SAXO1: variants seen among roughly 807,000 people sequenced by gnomAD.
The protein encoded by SAXO1 is 4930500O09Rik.
In SAXO1, 21 loss-of-function variants were observed where a neutral mutation model predicts 17.5. The ratio of observed to expected loss-of-function variants is 1.20; its 90% CI spans 0.85 to 1.72. The LOEUF is 1.72. Among genes scored for constraint, SAXO1 ranks in the 40% most tolerant of loss-of-function variants. The probability of loss-of-function intolerance (pLI) is 0.00; values close to 1 mark genes in which losing one functional copy is unlikely to be tolerated. For missense variants in SAXO1, 843 were observed against 596.0 expected (o/e 1.41, Z -4.32); for synonymous variants, 274 against 216.5 (o/e 1.27, Z -2.33).
intron 1 of SAXO1, among the ~76,000 whole-genome samples, chr9:19,016,749 A>C (rs1018513750): frequency 8.6e-5 from 13 of 151,926 alleles, no homozygotes; most frequent in African/African-American, 2.9e-4. Context: ...ATGTAAACAA[A>C]AGTTATTATT....
At chr9:19,031,805 G>C (rs1336432586) in intron 1 of SAXO1, among the ~76,000 whole-genome samples, 1 of 152,148 alleles carries the variant, frequency 6.6e-6, no homozygotes, top group East Asian at 1.9e-4. Context: ...CAAACTCCCT[G>C]TGTGATTCTA....
chr9:19,014,482 A>AAAAAG (rs1160031744), intron 1 of SAXO1, among the ~76,000 whole-genome samples: 5 of 149,918 alleles, frequency 3.3e-5, no homozygotes, highest in East Asian at 3.9e-4. Flanking sequence ...AAAAAAGTTA[A>AAAAAG]TTAATTAAAT....
At chr9:19,042,957 A>C (rs1387989771) in intron 1 of SAXO1, among the ~76,000 whole-genome samples, 1 of 152,064 alleles carries the variant, frequency 6.6e-6, no homozygotes, top group African/African-American at 2.4e-5. Flanking sequence ...GGATCACTTG[A>C]GCCCGGGAGT....
At chr9:19,036,276 A>C (rs1835936077), upstream of SAXO1, among the ~76,000 whole-genome samples, 1 of 151,914 alleles carries the variant, frequency 6.6e-6, no homozygotes, top group Non-Finnish European at 1.5e-5. Context: ...AAAAGAAAGA[A>C]AGAAAGAAAA....
Position 18,928,113 on chromosome 9 carries a change from C to G in SAXO1, c.1364G>C (p.Ser455Thr), listed in dbSNP as rs1226973083. 5 of 1,613,888 alleles carry G rather than the reference C, an allele frequency of 3.1e-6. No homozygotes were observed. Among genetic ancestry groups the G allele is most frequent in the Non-Finnish European group, 3.4e-6 (4 of 1,179,900 alleles). The change falls in exon 4 of 4, where the codon AGC (serine) becomes ACC (threonine). Residue 455 changes from serine (S) to threonine (T), a missense_variant. Transcript: ENST00000380534. ...TTCTGAATCATCTACAGAAAGATGG[C>G]TGCTCTGCTGAGAGCCTGCCTGGGA... Reference protein sequence around the residue: ...PVSQAGSQQSSHLSVDDSENP... With the variant: ...PVSQAGSQQSTHLSVDDSENP...
chr9:18,977,352 C>T (rs1293359050), intron 1 of SAXO1, among the ~76,000 whole-genome samples: 1 of 143,254 alleles, frequency 7.0e-6, no homozygotes, highest in Admixed American at 6.9e-5. Context: ...GATCATTTAC[C>T]ACATGCTGGG....
Position 18,928,997 on chromosome 9 carries a change from G to A in SAXO1, c.480C>T (p.Tyr160=), listed in dbSNP as rs750413004. ...RREPLRLEHK[Y]QPASVRFDNR... ...TATCAAACCTGACTGATGCCGGCTG[G>A]TATTTGTGTTCCAGACGAAGTGGCT... Residue 160 remains tyrosine, a synonymous_variant, in exon 4 of 4, where the codon TAC becomes TAT. Transcript: ENST00000380534. The A allele has an allele frequency of 5.0e-6, 8 of 1,614,190 alleles. No homozygotes were observed. Among genetic ancestry groups the A allele is most frequent in the South Asian group, 4.4e-5 (4 of 91,080 alleles).
intron 1 of SAXO1, among the ~76,000 whole-genome samples, chr9:18,961,392 G>C (rs974834053): frequency 3.0e-4 from 46 of 152,164 alleles, no homozygotes; most frequent in African/African-American, 9.2e-4. Context: ...AGAACGTGCA[G>C]GTTTGTTACA....
intron 1 of SAXO1, among the ~76,000 whole-genome samples, chr9:19,004,109 T>C (rs1049907513): frequency 3.3e-5 from 5 of 152,296 alleles, no homozygotes; most frequent in South Asian, 4.1e-4. Flanking sequence ...AAGATATTTA[T>C]GCAGCCAACA....
chr9:19,036,080 G>T (rs1180395148), upstream of SAXO1, among the ~76,000 whole-genome samples: 1 of 106,134 alleles, frequency 9.4e-6, no homozygotes, highest in East Asian at 3.2e-4. Context: ...ACAGGGAGGG[G>T]AACATCACAC....
At chr9:19,010,861 T>C (rs1029570260) in intron 1 of SAXO1, among the ~76,000 whole-genome samples, 8 of 152,166 alleles carry the variant, frequency 5.3e-5, no homozygotes, top group African/African-American at 1.9e-4. Context: ...ACCCAATTAC[T>C]ATAATTACCA....
At chr9:19,034,906 G>T (rs975475781), upstream of SAXO1, among the ~76,000 whole-genome samples, 1 of 152,140 alleles carries the variant, frequency 6.6e-6, no homozygotes, top group Non-Finnish European at 1.5e-5. Flanking sequence ...GCCTGTTCAT[G>T]CCCCCTGCCA....
At chr9:19,031,827 G>C (rs1835787609) in intron 1 of SAXO1, among the ~76,000 whole-genome samples, 1 of 152,220 alleles carries the variant, frequency 6.6e-6, no homozygotes, top group African/African-American at 2.4e-5. Context: ...TCAGCAGCCA[G>C]AGTTGGGAAC....
intron 1 of SAXO1, among the ~76,000 whole-genome samples, chr9:18,965,005 C>T (rs535197961): frequency 3.9e-5 from 6 of 152,156 alleles, no homozygotes; most frequent in African/African-American, 1.4e-4. Context: ...GCCTTAACTT[C>T]GTTATTTACC....
At chr9:19,025,211 T>C (rs1426688126) in intron 1 of SAXO1, among the ~76,000 whole-genome samples, 1 of 152,202 alleles carries the variant, frequency 6.6e-6, no homozygotes, top group Non-Finnish European at 1.5e-5. Context: ...TTGGCATCTC[T>C]ATCTGGATTC....
chr9:18,935,033 T>G (rs1331767170), intron 3 of SAXO1, among the ~76,000 whole-genome samples: 1 of 152,188 alleles, frequency 6.6e-6, no homozygotes, highest in African/African-American at 2.4e-5. Flanking sequence ...GTTCAAGCGA[T>G]TCTCCTGCCT....
intron 1 of SAXO1, among the ~76,000 whole-genome samples, chr9:18,973,818 A>T (rs59270618): frequency 0.021 from 3,170 of 152,342 alleles, 101 homozygotes; most frequent in African/African-American, 0.072. Context: ...CCACTGTAAT[A>T]TTCACAAGTT....
intron 1 of SAXO1, among the ~76,000 whole-genome samples, chr9:19,022,208 G>A (rs1037017193): frequency 2.0e-5 from 3 of 152,202 alleles, no homozygotes; most frequent in African/African-American, 7.2e-5. Context: ...GCAAAGGTCT[G>A]CAGCTCCACT....
At position 18,927,922 on chromosome 9, in the gene SAXO1, C is replaced by G. The variant is rs1172434762; in HGVS notation, c.*130G>C. 5 of 996,228 alleles carry G rather than the reference C, an allele frequency of 5.0e-6. No individual in the cohort carries two copies. The allele number at this position is 996,228 out of a possible 1,614,324, so 61.7% of individuals were successfully genotyped here. ...GTGATTCTCATTTTATTCAAGTGCT[C>G]TGGAAGTGGTGAAGGTTTTTTGTTT... On this transcript the variant is annotated 3_prime_UTR_variant, in exon 4 of 4. Coordinates refer to ENST00000380534, the MANE Select transcript of SAXO1 (RefSeq NM_153707.4).
Sources: gnomAD v4.1 joint callset for allele counts (sites outside exome capture counted in the v4.1 genomes callset) on GRCh38, gnomAD v4.1.1 for gene constraint, MANE v1.5 for transcripts, NCBI Gene and HGNC (gene_info 2026-07-23, HGNC 2026-07-21) for gene names.